DPP10: variants seen among roughly 807,000 people sequenced by gnomAD.
DPP10 encodes the protein dipeptidyl peptidase like 10, also known as inactive dipeptidyl peptidase 10.
DPP10 carries 33 observed loss-of-function variants against 120.9 expected under a neutral mutation model. The observed-to-expected ratio is 0.27, with a 90% CI of 0.21 to 0.37. The LOEUF is 0.37. DPP10 is among the 10% of genes least tolerant of loss of function. The pLI is 1.00. For missense variants in DPP10, 816 were observed against 942.8 expected (o/e 0.87, Z 1.76); for synonymous variants, 337 against 326.1 (o/e 1.03, Z -0.36).
chr2:114,753,894 G>C (rs551463568), intron 1 of DPP10, among the ~76,000 whole-genome samples: 1 of 120,322 alleles, frequency 8.3e-6, no homozygotes, highest in South Asian at 3.0e-4. Context: ...GGGTGACAGA[G>C]TGAGACTCCT....
At chr2:114,942,859 G>T (rs1161130955) in intron 1 of DPP10, among the ~76,000 whole-genome samples, 1 of 152,098 alleles carries the variant, frequency 6.6e-6, no homozygotes, top group Non-Finnish European at 1.5e-5. Context: ...GAATTAGAGT[G>T]AAATAATTAT....
intron 3 of DPP10, among the ~76,000 whole-genome samples, chr2:115,440,064 G>T (rs1412945097): frequency 6.6e-6 from 1 of 151,886 alleles, no homozygotes; most frequent in African/African-American, 2.4e-5. Flanking sequence ...TAGCTCTTTT[G>T]AACAGCATTT....
chr2:115,639,633 T>C (rs914900879), intron 5 of DPP10, among the ~76,000 whole-genome samples: 5 of 152,186 alleles, frequency 3.3e-5, no homozygotes, highest in Admixed American at 3.3e-4. Flanking sequence ...ACAGGTTTTT[T>C]TTTTTCTTTG....
chr2:114,851,351 C>T (rs1055397997), intron 1 of DPP10, among the ~76,000 whole-genome samples: 1 of 152,082 alleles, frequency 6.6e-6, no homozygotes, highest in Non-Finnish European at 1.5e-5. Context: ...CTAAGATGCA[C>T]TGAATATTCT....
chr2:115,223,465 C>A (rs1201285610), intron 1 of DPP10, among the ~76,000 whole-genome samples: 6 of 152,006 alleles, frequency 3.9e-5, no homozygotes, highest in Admixed American at 6.6e-5. Flanking sequence ...GTTCTAGGTA[C>A]ATACTGTAAA....
intron 1 of DPP10, among the ~76,000 whole-genome samples, chr2:115,067,626 A>G (rs113134358): frequency 0.16 from 23,758 of 144,518 alleles, 2,226 homozygotes; most frequent in African/African-American, 0.27. Flanking sequence ...CACTTTGGGA[A>G]GTCGAGGCAG....
At chr2:114,570,880 T>G (rs1340838339) in intron 1 of DPP10, among the ~76,000 whole-genome samples, 2 of 145,162 alleles carry the variant, frequency 1.4e-5, no homozygotes, top group Non-Finnish European at 3.0e-5. Context: ...ATGAAGGAAT[T>G]AGAGATGTTT....
intron 1 of DPP10, among the ~76,000 whole-genome samples, chr2:114,845,437 A>G (rs569519567): frequency 6.6e-6 from 1 of 152,300 alleles, no homozygotes; most frequent in South Asian, 2.1e-4. Flanking sequence ...GTCAGAGTTG[A>G]GTATTTGTTG....
intron 2 of DPP10, among the ~76,000 whole-genome samples, chr2:115,328,814 A>G (rs577271674): frequency 1.3e-5 from 2 of 152,128 alleles, no homozygotes; most frequent in South Asian, 2.1e-4. Flanking sequence ...ATTTAGTCCA[A>G]CTCTTGGTCT....
intron 2 of DPP10, among the ~76,000 whole-genome samples, chr2:115,341,688 G>A (rs1024992751): frequency 7.2e-5 from 11 of 152,106 alleles, no homozygotes; most frequent in African/African-American, 2.7e-4. Flanking sequence ...TCATGTAGTT[G>A]AGATTATATA....
chr2:115,303,196 G>A (rs1200864744), intron 1 of DPP10, among the ~76,000 whole-genome samples: 9 of 151,672 alleles, frequency 5.9e-5, no homozygotes, highest in South Asian at 2.1e-4. Context: ...CAGATGACAC[G>A]AACTTAATAA....
intron 1 of DPP10, among the ~76,000 whole-genome samples, chr2:114,616,026 ATCT>A (rs1693649618): frequency 6.6e-6 from 1 of 152,138 alleles, no homozygotes; most frequent in Admixed American, 6.6e-5. Context: ...TATTTGAAAC[ATCT>A]TCTGTAACTG....
chr2:114,673,719 G>A lies in DPP10; in HGVS notation c.60+230881G>A, dbSNP rs142058908. On this transcript the variant is annotated intron_variant, in intron 1 of 25. Coordinates refer to ENST00000410059, the MANE Select transcript of DPP10 (RefSeq NM_020868.6). ...AATCTGCCTGTCTCGGCCTCCCAAA[G>A]TGCTGGAATTCATTACCTTTTTCTA... is the stretch of plus-strand genomic sequence containing the variant. Among the ~76,000 whole-genome samples, 17 of 152,202 alleles carry A rather than the reference G, an allele frequency of 1.1e-4. No individual in the cohort carries two copies. In the East Asian group the frequency reaches 2.9e-3, roughly 26 times the overall value.
chr2:115,180,611 C>G (rs2054007296), intron 1 of DPP10, among the ~76,000 whole-genome samples: 1 of 152,154 alleles, frequency 6.6e-6, no homozygotes, highest in South Asian at 2.1e-4. Context: ...GTACCAAGCT[C>G]TCTGTTTCAC....
intron 10 of DPP10, chr2:115,750,081 C>T: frequency 1.0e-6 from 1 of 985,346 alleles, no homozygotes; most frequent in Non-Finnish European, 1.2e-6. Flanking sequence ...AAGAAAGGGA[C>T]ACTTCTGCTG....
At chr2:115,739,599 G>T in intron 8 of DPP10, 140 bp from the exon 9 acceptor site, 1 of 891,048 alleles carries the variant, frequency 1.1e-6, no homozygotes, top group East Asian at 2.6e-5. Flanking sequence ...CAGAATTAGA[G>T]AATTTTCAGG....
intron 1 of DPP10, among the ~76,000 whole-genome samples, chr2:114,722,933 A>G (rs991716862): frequency 6.6e-6 from 1 of 152,112 alleles, no homozygotes; most frequent in African/African-American, 2.4e-5. Context: ...GTAAGAAAAA[A>G]AAATTTTTTT....
At chr2:115,134,933 C>G (rs1247146588) in intron 1 of DPP10, among the ~76,000 whole-genome samples, 2 of 152,126 alleles carry the variant, frequency 1.3e-5, no homozygotes, top group East Asian at 1.9e-4. Context: ...GCAGCCTGGA[C>G]AGAGGGAGGG....
intron 1 of DPP10, among the ~76,000 whole-genome samples, chr2:114,685,267 AAAACAACAAC>A (rs1179801077): frequency 5.9e-5 from 9 of 151,994 alleles, no homozygotes; most frequent in Admixed American, 5.9e-4. Flanking sequence ...ACTCATGAGA[AAAACAACAAC>A]AAACAACAAG....
Sources: gnomAD v4.1 joint callset for allele counts (sites outside exome capture counted in the v4.1 genomes callset) on GRCh38, gnomAD v4.1.1 for gene constraint, MANE v1.5 for transcripts, NCBI Gene and HGNC (gene_info 2026-07-23, HGNC 2026-07-21) for gene names.